Variants in RIMS1 observed in about 807,000 individuals in gnomAD.
RIMS1 encodes the protein regulating synaptic membrane exocytosis protein 1.
In RIMS1, 83 loss-of-function variants were observed where a neutral mutation model predicts 214.1. The ratio of observed to expected loss-of-function variants is 0.39; its 90% CI spans 0.32 to 0.47. The LOEUF is 0.47. RIMS1 is among the 20% of genes least tolerant of loss of function. The probability of loss-of-function intolerance (pLI) is 0.99; values close to 1 mark genes in which losing one functional copy is unlikely to be tolerated. For synonymous variants in RIMS1, 793 were observed against 786.8 expected (o/e 1.01, Z -0.13); for missense variants, 2,050 against 2,161.8 (o/e 0.95, Z 1.03).
Position 72,390,649 on chromosome 6 carries a change from G to T in RIMS1, c.4418G>T (p.Gly1473Val). 6.2e-7 allele frequency: 1 copy of T among 1,613,872 alleles called. No homozygotes were observed. Among genetic ancestry groups the T allele is most frequent in the South Asian group, 1.1e-5 (1 of 91,062 alleles). The change falls in exon 30 of 34, where the codon GGC becomes GTC. Residue 1473 changes from glycine to valine, a missense_variant. By Grantham distance (109) the Gly-to-Val change is moderately radical. Transcript: ENST00000521978. ...KSTIQRSTET[G>V]MAAEMRKMVR... ...ACCATCCAGAGAAGCACAGAAACAGGCATGGCAGCTGAAATGAGAAAGATG... is the reference window on the plus strand; with the variant it reads ...ACCATCCAGAGAAGCACAGAAACAGTCATGGCAGCTGAAATGAGAAAGATG...
intron 1 of RIMS1, among the ~76,000 whole-genome samples, chr6:71,917,524 A>G (rs892623154): frequency 6.6e-6 from 1 of 152,118 alleles, no homozygotes; most frequent in African/African-American, 2.4e-5. Flanking sequence ...GCCAGGGAGA[A>G]AGGATTAAGC....
chr6:72,280,890 G>A (rs1344491202), intron 23 of RIMS1, among the ~76,000 whole-genome samples: 2 of 152,054 alleles, frequency 1.3e-5, no homozygotes, highest in African/African-American at 4.8e-5. Flanking sequence ...TTCTAGTTCT[G>A]TGTAATACTA....
chr6:72,002,288 G>A (rs546434683), intron 2 of RIMS1, among the ~76,000 whole-genome samples: 8 of 151,336 alleles, frequency 5.3e-5, no homozygotes, highest in Non-Finnish European at 1.2e-4. Flanking sequence ...TCCAACAGGA[G>A]GAAAAGATGT....
At chr6:72,240,104 A>G (rs2066077448) in intron 9 of RIMS1, among the ~76,000 whole-genome samples, 1 of 152,142 alleles carries the variant, frequency 6.6e-6, no homozygotes, top group Non-Finnish European at 1.5e-5. Context: ...TTTCTTCATG[A>G]CCAAATTTAA....
At chr6:72,164,093 G>T (rs2496486) in intron 4 of RIMS1, among the ~76,000 whole-genome samples, 4 of 151,824 alleles carry the variant, frequency 2.6e-5, no homozygotes, top group Non-Finnish European at 2.9e-5. Context: ...GGCAATGGTG[G>T]GCGCCCCTCC....
At chr6:72,282,324 A>T (rs1224709514) in intron 23 of RIMS1, among the ~76,000 whole-genome samples, 1 of 152,108 alleles carries the variant, frequency 6.6e-6, no homozygotes, top group African/African-American at 2.4e-5. Context: ...CTTCAGGAAC[A>T]AGATTCCATT....
intron 2 of RIMS1, 62 bp from the exon 3 acceptor site, chr6:72,096,887 T>A (rs2031926007): frequency 7.4e-7 from 1 of 1,350,204 alleles, no homozygotes; most frequent in African/African-American, 1.4e-5. Context: ...CCTTGTTTTG[T>A]TTGTTCTTGG....
chr6:72,214,198 T>C (rs552282122), intron 6 of RIMS1, among the ~76,000 whole-genome samples: 1 of 152,288 alleles, frequency 6.6e-6, no homozygotes, highest in South Asian at 2.1e-4. Flanking sequence ...AATTTTGAAA[T>C]CCATGAATAC....
chr6:71,981,551 C>G (rs1446318353), intron 2 of RIMS1, among the ~76,000 whole-genome samples: 2 of 151,940 alleles, frequency 1.3e-5, no homozygotes, highest in African/African-American at 4.8e-5. Flanking sequence ...GGTATTCACC[C>G]CACATTAGAA....
At chr6:72,296,811 A>G (rs2094135828) in intron 26 of RIMS1, among the ~76,000 whole-genome samples, 1 of 151,996 alleles carries the variant, frequency 6.6e-6, no homozygotes, top group South Asian at 2.1e-4. Flanking sequence ...TGAAAGTAAC[A>G]TCATTCCTAT....
intron 4 of RIMS1, among the ~76,000 whole-genome samples, chr6:72,129,251 A>C (rs541989058): frequency 6.6e-6 from 1 of 152,186 alleles, no homozygotes; most frequent in Non-Finnish European, 1.5e-5. Flanking sequence ...GAAGCATCAT[A>C]ATATTCCATA....
Position 71,887,149 on chromosome 6 carries a change from G to A in RIMS1, c.126G>A (p.Arg42=), listed in dbSNP as rs754861335. The change falls in exon 1 of 34, where the codon CGG becomes CGA. Residue 42 remains arginine (R), a synonymous_variant. Transcript: ENST00000521978. ...ACATTATCATGGCAGTGATGGACCG[G>A]CAGAAGGAAGAGGAGGAAAAAGAAG... ...ERNIIMAVMD[R]QKEEEEKEEA... is the part of the protein sequence containing the mutation. 5 of 1,612,300 alleles carry A rather than the reference G, an allele frequency of 3.1e-6. No individual in the cohort carries two copies. In the East Asian group the frequency reaches 8.9e-5, roughly 29 times the overall value.
At chr6:72,098,720 A>G (rs1317360545) in intron 3 of RIMS1, among the ~76,000 whole-genome samples, 2 of 152,216 alleles carry the variant, frequency 1.3e-5, no homozygotes, top group Non-Finnish European at 2.9e-5. Context: ...TATGGGTGTT[A>G]TGAAAATTAA....
intron 29 of RIMS1, among the ~76,000 whole-genome samples, chr6:72,370,231 T>C (rs1209724793): frequency 6.6e-6 from 1 of 152,184 alleles, no homozygotes; most frequent in African/African-American, 2.4e-5. Context: ...GAGAAGAGGC[T>C]AGTGGTTTTA....
chr6:72,019,193 T>G (rs1813772131), intron 2 of RIMS1, among the ~76,000 whole-genome samples: 1 of 152,216 alleles, frequency 6.6e-6, no homozygotes, highest in Admixed American at 6.5e-5. Flanking sequence ...GAATTTTGAA[T>G]GAAATCAGAT....
At position 72,053,139 on chromosome 6, in the gene RIMS1, A is replaced by G. The variant is rs1408439472; in HGVS notation, c.246-43810A>G. On this transcript the variant is annotated intron_variant, in intron 2 of 33. Coordinates refer to ENST00000521978, the MANE Select transcript of RIMS1 (RefSeq NM_014989.7). Reference sequence around the variant, plus strand: ...CCCGAAGTCTAACCAACCTTGGCATAGGTCTGACTCCTCTCTCTAAAGTGT... The same window carrying G: ...CCCGAAGTCTAACCAACCTTGGCATGGGTCTGACTCCTCTCTCTAAAGTGT... Among the ~76,000 whole-genome samples the G allele has an allele frequency of 3.9e-5, 6 of 152,272 alleles. No homozygotes were observed. In the East Asian group the frequency reaches 1.2e-3, roughly 29 times the overall value.
chr6:72,316,222 G>A (rs890147298), intron 28 of RIMS1, among the ~76,000 whole-genome samples: 5 of 152,146 alleles, frequency 3.3e-5, no homozygotes, highest in African/African-American at 1.2e-4. Context: ...GAGAGGGCAG[G>A]ACTTCAGGCT....
chr6:72,247,100 A>G lies in RIMS1; in HGVS notation c.2129-915A>G, dbSNP rs115825482. On this transcript the variant is annotated intron_variant, in intron 11 of 33. Transcript: ENST00000521978. ...GTTCAAGGTTGTACTTGCTGGATCA[A>G]TAGCCTTCTATAAACACTCTGTATT... 5.1e-3 allele frequency among the ~76,000 whole-genome samples: 774 copies of G among 152,296 alleles called. 6 individuals are homozygous for G. Among genetic ancestry groups the G allele is most frequent in the African/African-American group, 0.018 (745 of 41,570 alleles).
chr6:72,211,772 A>T (rs2053849800), intron 6 of RIMS1, among the ~76,000 whole-genome samples: 1 of 152,174 alleles, frequency 6.6e-6, no homozygotes, highest in South Asian at 2.1e-4. Context: ...CAACATTAAA[A>T]ATATTGGCAT....
Sources: gnomAD v4.1 joint callset for allele counts (sites outside exome capture counted in the v4.1 genomes callset) on GRCh38, gnomAD v4.1.1 for gene constraint, MANE v1.5 for transcripts, NCBI Gene and HGNC (gene_info 2026-07-23, HGNC 2026-07-21) for gene names.